The following SH3GL2 variants were observed in gnomAD, a reference collection of about 807,000 sequenced individuals.
SH3GL2 encodes SH3 domain containing GRB2 like 2, endophilin A1.
Under a neutral mutation model 46.0 loss-of-function variants are expected in SH3GL2, and 24 were observed. The ratio of observed to expected loss-of-function variants is 0.52; its 90% CI spans 0.38 to 0.73. The LOEUF (loss-of-function observed/expected upper bound fraction) is 0.73, where lower values mean the gene tolerates loss of function less well. SH3GL2 is among the 30% of genes least tolerant of loss of function. The pLI, the probability that SH3GL2 is intolerant of heterozygous loss-of-function variation, is 0.00. For synonymous variants in SH3GL2, 196 were observed against 147.1 expected (o/e 1.33, Z -2.40); for missense variants, 413 against 424.2 (o/e 0.97, Z 0.23).
chr9:17,771,531 CT>C (rs1440363194), intron 3 of SH3GL2, among the ~76,000 whole-genome samples: 15 of 152,296 alleles, frequency 9.8e-5, no homozygotes, highest in African/African-American at 3.6e-4. Context: ...TCTATTTGCT[CT>C]GAAAACCTGA....
chr9:17,612,186 C>T (rs1818882583), intron 1 of SH3GL2, among the ~76,000 whole-genome samples: 1 of 152,026 alleles, frequency 6.6e-6, no homozygotes, highest in African/African-American at 2.4e-5. Flanking sequence ...GTTCTGTGCA[C>T]AGAAGGAACA....
intron 1 of SH3GL2, among the ~76,000 whole-genome samples, chr9:17,585,578 G>C (rs1159805868): frequency 6.6e-6 from 1 of 152,152 alleles, no homozygotes; most frequent in African/African-American, 2.4e-5. Flanking sequence ...GTGGGGTGGA[G>C]GTGACAGCTC....
In SH3GL2 at chr9:17,795,685, GC is replaced by G; in HGVS notation, c.1003del (p.His335IlefsTer99). ...AACTGGTATGAGGGGATGCTGCATGGCCATTCAGGCTTCTTCCCCATCAATT... is the reference window on the plus strand; with the variant it reads ...AACTGGTATGAGGGGATGCTGCATGGCATTCAGGCTTCTTCCCCATCAATT... Reference protein sequence around the residue: ...DENWYEGMLHGHSGFFPINYV... With the variant: ...DENWYEGMLHXHSGFFPINYV... On this transcript the variant is annotated frameshift_variant, in exon 9 of 9. Coordinates refer to ENST00000380607, the MANE Select transcript of SH3GL2 (RefSeq NM_003026.5). LOFTEE classifies it high-confidence loss of function. 1 of 1,613,992 alleles carries G rather than the reference GC, an allele frequency of 6.2e-7. No homozygotes were observed. The highest frequency in any genetic ancestry group is 8.5e-7 in the Non-Finnish European group (1 of 1,179,930).
intron 2 of SH3GL2, among the ~76,000 whole-genome samples, chr9:17,754,805 G>C (rs1007350475): frequency 1.3e-5 from 2 of 152,158 alleles, no homozygotes; most frequent in East Asian, 3.8e-4. Flanking sequence ...TTGGTGTATA[G>C]GAATGCTAGT....
In SH3GL2 at chr9:17,786,520, C is replaced by G. The variant is rs1421975607; in HGVS notation, c.327C>G (p.Asn109Lys). Residue 109 changes from asparagine (N) to lysine (K), a missense_variant, in exon 4 of 9, where the codon AAC becomes AAG. By Grantham distance (94) the Asn-to-Lys change is moderately conservative. Transcript: ENST00000380607. ...KFGRELGDDC[N>K]FGPALGEVGE... Reference sequence around the variant, plus strand: ...GAAGAGAGCTTGGAGATGATTGCAACTTTGGTAACAAGTGCTTCCTCACAT... The same window carrying G: ...GAAGAGAGCTTGGAGATGATTGCAAGTTTGGTAACAAGTGCTTCCTCACAT... The G allele has an allele frequency of 6.2e-7, 1 of 1,613,044 alleles. No individual in the cohort carries two copies. The highest frequency in any genetic ancestry group is 2.2e-5 in the East Asian group (1 of 44,836).
chr9:17,653,076 A>G (rs1054946813), intron 1 of SH3GL2, among the ~76,000 whole-genome samples: 32 of 152,290 alleles, frequency 2.1e-4, no homozygotes, highest in Admixed American at 1.8e-3. Flanking sequence ...GACTGGTTGA[A>G]TCATGGTTTT....
intron 1 of SH3GL2, among the ~76,000 whole-genome samples, chr9:17,632,482 C>G (rs1819453450): frequency 6.6e-6 from 1 of 152,112 alleles, no homozygotes. Flanking sequence ...ATTGGGCTGT[C>G]CGGGTGATTT....
At chr9:17,592,553 T>C (rs1478856905) in intron 1 of SH3GL2, among the ~76,000 whole-genome samples, 1 of 152,230 alleles carries the variant, frequency 6.6e-6, no homozygotes, top group African/African-American at 2.4e-5. Flanking sequence ...AGGTTTATTC[T>C]GCCTTTGTTA....
At chr9:17,737,369 AAAG>A (rs1222571582) in intron 1 of SH3GL2, among the ~76,000 whole-genome samples, 3 of 152,132 alleles carry the variant, frequency 2.0e-5, no homozygotes, top group African/African-American at 7.2e-5. Flanking sequence ...AATAAGAAAA[AAAG>A]TAAATGAATA....
chr9:17,626,249 G>A (rs1343153076), intron 1 of SH3GL2, among the ~76,000 whole-genome samples: 1 of 152,214 alleles, frequency 6.6e-6, no homozygotes, highest in Non-Finnish European at 1.5e-5. Context: ...GGGGATATGA[G>A]CCCATGTGAG....
intron 1 of SH3GL2, among the ~76,000 whole-genome samples, chr9:17,593,071 G>A (rs1818513847): frequency 6.6e-6 from 1 of 152,186 alleles, no homozygotes; most frequent in Admixed American, 6.5e-5. Context: ...AGAGGGTATG[G>A]AAGCTCCAGG....
intron 1 of SH3GL2, among the ~76,000 whole-genome samples, chr9:17,583,311 A>G (rs1818312903): frequency 6.6e-6 from 1 of 152,178 alleles, no homozygotes; most frequent in Non-Finnish European, 1.5e-5. Context: ...CTTGACTGCC[A>G]ATGTGACAGT....
chr9:17,633,632 A>G (rs1214159485), intron 1 of SH3GL2, among the ~76,000 whole-genome samples: 3 of 152,204 alleles, frequency 2.0e-5, no homozygotes, highest in South Asian at 2.1e-4. Context: ...TTATTTTTAT[A>G]AATCAGATAT....
At chr9:17,754,276 G>T (rs1822928164) in intron 2 of SH3GL2, among the ~76,000 whole-genome samples, 1 of 152,166 alleles carries the variant, frequency 6.6e-6, no homozygotes, top group South Asian at 2.1e-4. Context: ...GAGCAGTATG[G>T]CCATTTTGAT....
At chr9:17,712,646 T>A (rs1216891914) in intron 1 of SH3GL2, among the ~76,000 whole-genome samples, 2 of 151,908 alleles carry the variant, frequency 1.3e-5, no homozygotes, top group Admixed American at 6.6e-5. Flanking sequence ...CTAGATTATT[T>A]ATTCTGTAGC....
chr9:17,659,789 A>G (rs1469409578), intron 1 of SH3GL2, among the ~76,000 whole-genome samples: 1 of 152,188 alleles, frequency 6.6e-6, no homozygotes, highest in Non-Finnish European at 1.5e-5. Flanking sequence ...AATAATTGGG[A>G]AGTTAGGAAA....
At chr9:17,598,361 T>C (rs1224516908) in intron 1 of SH3GL2, among the ~76,000 whole-genome samples, 1 of 152,244 alleles carries the variant, frequency 6.6e-6, no homozygotes, top group Non-Finnish European at 1.5e-5. Flanking sequence ...TGGAATAGTT[T>C]CTGTTAAATA....
intron 1 of SH3GL2, among the ~76,000 whole-genome samples, chr9:17,637,599 C>G (rs998489573): frequency 5.9e-5 from 9 of 152,218 alleles, no homozygotes; most frequent in African/African-American, 2.2e-4. Flanking sequence ...TTTGGACACA[C>G]AAGTGTGGTT....
chr9:17,704,365 C>T (rs551849649), intron 1 of SH3GL2, among the ~76,000 whole-genome samples: 5 of 152,040 alleles, frequency 3.3e-5, no homozygotes, highest in African/African-American at 1.2e-4. Context: ...GTTATACTCT[C>T]CAAAGCAATT....
Sources: gnomAD v4.1 joint callset for allele counts (sites outside exome capture counted in the v4.1 genomes callset) on GRCh38, gnomAD v4.1.1 for gene constraint, MANE v1.5 for transcripts, NCBI Gene and HGNC (gene_info 2026-07-23, HGNC 2026-07-21) for gene names.